The following SP140 variants were observed in gnomAD, a reference collection of about 807,000 sequenced individuals.
SP140 encodes SP140 nuclear body protein, also known as nuclear body protein SP140.
A neutral mutation model predicts 125.0 loss-of-function variants in SP140; 81 were observed. The ratio of observed to expected loss-of-function variants is 0.65; its 90% CI spans 0.54 to 0.78. The LOEUF (loss-of-function observed/expected upper bound fraction) is 0.78, where lower values mean the gene tolerates loss of function less well. SP140 is among the 30% of genes least tolerant of loss of function. SP140 has a pLI of 0.00. For synonymous variants in SP140, 312 were observed against 354.0 expected (o/e 0.88, Z 1.33); for missense variants, 858 against 1,037.0 (o/e 0.83, Z 2.37).
chr2:230,243,129 C>G lies in SP140; in HGVS notation c.491-602C>G, dbSNP rs186563012. On this transcript the variant is annotated intron_variant, in intron 4 of 26. Coordinates refer to ENST00000392045, the MANE Select transcript of SP140 (RefSeq NM_007237.5). The stretch of plus-strand genomic sequence containing the variant: ...ACTTCAAGGTGGAATAAAATTTCCC[C>G]CAATAATTTCAATTGTTAAATCTCT... Among the ~76,000 whole-genome samples the G allele has an allele frequency of 3.2e-3, 480 of 152,266 alleles. 5 individuals are homozygous for G. Among genetic ancestry groups the G allele is most frequent in the Non-Finnish European group, 2.6e-3 (175 of 68,004 alleles).
At chr2:230,285,252 C>T (rs78168912) in intron 16 of SP140, among the ~76,000 whole-genome samples, 2 of 152,114 alleles carry the variant, frequency 1.3e-5, no homozygotes, top group Admixed American at 6.5e-5. Flanking sequence ...TTCCATTCTT[C>T]TAGACGATGA....
At chr2:230,284,991 AT>A (rs1323198122) in intron 16 of SP140, among the ~76,000 whole-genome samples, 1 of 152,150 alleles carries the variant, frequency 6.6e-6, no homozygotes, top group African/African-American at 2.4e-5. Context: ...ATGTGTATAT[AT>A]TAAAATATTA....
intron 20 of SP140, among the ~76,000 whole-genome samples, chr2:230,293,317 A>G (rs962110949): frequency 6.6e-6 from 1 of 152,186 alleles, no homozygotes; most frequent in East Asian, 1.9e-4. Flanking sequence ...ATTGGAAATG[A>G]CATTTAAAAC....
chr2:230,215,128 T>C (rs1319106820), intron 3 of SP140: 1 of 1,609,284 alleles, frequency 6.2e-7, no homozygotes, highest in South Asian at 1.1e-5. Context: ...CCTATAAAAA[T>C]GGAGTGAAGG....
the SP140 span, among the ~76,000 whole-genome samples, chr2:230,196,534 T>C: frequency 7.9e-5 from 12 of 151,628 alleles, no homozygotes; most frequent in Admixed American, 2.6e-4. Context: ...TTTATAATTT[T>C]CTTTTTTTTA....
At chr2:230,193,625 G>T in the SP140 span, among the ~76,000 whole-genome samples, 1 of 152,144 alleles carries the variant, frequency 6.6e-6, no homozygotes, top group Non-Finnish European at 1.5e-5. Flanking sequence ...ACTTAGCTTT[G>T]CCAGATACAA....
chr2:230,218,302 T>C (rs1319676729), intron 3 of SP140, among the ~76,000 whole-genome samples: 1 of 152,212 alleles, frequency 6.6e-6, no homozygotes, highest in African/African-American at 2.4e-5. Context: ...CACCCTAGTC[T>C]CTTTCTCCTC....
intron 1 of SP140, among the ~76,000 whole-genome samples, chr2:230,228,381 G>A (rs1171411493): frequency 2.0e-5 from 3 of 152,156 alleles, no homozygotes; most frequent in East Asian, 1.9e-4. Flanking sequence ...ATGGAGTACC[G>A]TATAAGTGTC....
At chr2:230,262,101 T>C (rs1368487144) in intron 12 of SP140, among the ~76,000 whole-genome samples, 1 of 152,154 alleles carries the variant, frequency 6.6e-6, no homozygotes, top group South Asian at 2.1e-4. Context: ...TTGTTGGTAA[T>C]GTTTAAATTA....
At chr2:230,232,961 T>A (rs2047464854) in intron 1 of SP140, among the ~76,000 whole-genome samples, 1 of 152,216 alleles carries the variant, frequency 6.6e-6, no homozygotes, top group African/African-American at 2.4e-5. Context: ...ATCTTTTGAC[T>A]GTTAACATTT....
At chr2:230,199,011 A>G (rs2043003972), upstream of SP140, among the ~76,000 whole-genome samples, 1 of 151,968 alleles carries the variant, frequency 6.6e-6, no homozygotes, top group South Asian at 2.1e-4. Context: ...GGGATGCCAC[A>G]TGCTGAGGAT....
chr2:230,286,799 A>G (rs1423841018), intron 17 of SP140, among the ~76,000 whole-genome samples: 3 of 152,102 alleles, frequency 2.0e-5, no homozygotes, highest in Non-Finnish European at 4.4e-5. Context: ...CAATTTTCCC[A>G]ATGAAACTCT....
At position 230,211,405 on chromosome 2, in the gene SP140, T is replaced by C; in HGVS notation, c.-322-2249T>C. 9.7e-7 allele frequency: 1 copy of C among 1,027,958 alleles called. No individual in the cohort carries two copies. Among genetic ancestry groups the C allele is most frequent in the South Asian group, 1.3e-5 (1 of 79,644 alleles). The allele number at this position is 1,027,958 out of a possible 1,614,324, so 63.7% of individuals were successfully genotyped here. A position where few individuals can be genotyped will look rare whatever the true frequency, so the allele number is the denominator to read the frequency against. On this transcript the variant is annotated intron_variant, in intron 1 of 4. Transcript: ENST00000456542. The surrounding 1 kb of genome is among the most constrained non-coding windows in gnomAD (Gnocchi z 4.2). ...GAGCCCCCTCTCTAGAAGATCCGAA[T>C]GGCTTTTCCTCTTAGTAAACACAGA... is the stretch of plus-strand genomic sequence containing the variant.
upstream of SP140, chr2:230,200,463 G>C (rs2043080303): frequency 5.3e-6 from 1 of 187,256 alleles, no homozygotes; most frequent in East Asian, 1.4e-4. Flanking sequence ...TTCTCAGAAA[G>C]GCCACATGAG....
At chr2:230,239,863 A>G (rs1250142757) in intron 3 of SP140, among the ~76,000 whole-genome samples, 5 of 152,200 alleles carry the variant, frequency 3.3e-5, no homozygotes, top group Non-Finnish European at 7.3e-5. Context: ...TATTTTAACC[A>G]GGGTGTTCCA....
rs146130317 is a variant in SP140, at chr2:230,282,869, G to A, written c.1499-1477G>A. Among the ~76,000 whole-genome samples, 9 of 152,310 alleles carry A rather than the reference G, an allele frequency of 5.9e-5. No homozygotes were observed. In the South Asian group the frequency reaches 6.2e-4, roughly 11 times the overall value. ...GGAGAAGGTGAACAGTGTCTCTTAC[G>A]TGGCTCCTGGCTGGCTGTAAGCCTT... is the stretch of plus-strand genomic sequence containing the variant. On this transcript the variant is annotated intron_variant, in intron 15 of 26. Coordinates refer to ENST00000392045, the MANE Select transcript of SP140 (RefSeq NM_007237.5).
At chr2:230,250,947 A>G in intron 9 of SP140, 34 bp from the exon 10 acceptor site, 1 of 1,610,776 alleles carries the variant, frequency 6.2e-7, no homozygotes, top group Non-Finnish European at 8.5e-7. Flanking sequence ...TTTTCTCTTC[A>G]TAATTTCTTG....
chr2:230,264,716 A>G (rs1159272883), intron 12 of SP140, among the ~76,000 whole-genome samples: 1 of 152,158 alleles, frequency 6.6e-6, no homozygotes, highest in Non-Finnish European at 1.5e-5. Context: ...GCTTCCTGTG[A>G]GCCAAACTGC....
intron 10 of SP140, among the ~76,000 whole-genome samples, chr2:230,252,137 T>C (rs2050467417): frequency 6.6e-6 from 1 of 151,454 alleles, no homozygotes; most frequent in Non-Finnish European, 1.5e-5. Context: ...AGTTAGAAAG[T>C]ATGTAAATAT....
Sources: allele counts gnomAD v4.1 joint callset (sites outside exome capture counted in the v4.1 genomes callset), GRCh38; gene constraint gnomAD v4.1.1; non-coding constraint Gnocchi (gnomAD v3.1); transcripts MANE v1.5; gene names NCBI Gene and HGNC (gene_info 2026-07-23, HGNC 2026-07-21).